Variants in EIF4G3 observed in about 807,000 individuals in gnomAD.
EIF4G3 encodes eIF-4-gamma 3.
Under a neutral mutation model 186.4 loss-of-function variants are expected in EIF4G3, and 34 were observed. That is an observed-to-expected ratio of 0.18 (90% CI 0.14 to 0.24). The LOEUF (loss-of-function observed/expected upper bound fraction) is 0.24, where lower values mean the gene tolerates loss of function less well. Among genes scored for constraint, EIF4G3 ranks in the 10% least tolerant of loss-of-function variants. EIF4G3 has a pLI of 1.00. For synonymous variants in EIF4G3, 673 were observed against 679.5 expected (o/e 0.99, Z 0.15); for missense variants, 1,536 against 1,948.5 (o/e 0.79, Z 3.99).
intron 2 of EIF4G3, among the ~76,000 whole-genome samples, chr1:21,164,609 C>T (rs2097824718): frequency 6.6e-6 from 1 of 152,046 alleles, no homozygotes. Context: ...ACCTATAATC[C>T]CGCATTTTGG....
At chr1:21,086,822 C>G (rs2095996792) in intron 3 of EIF4G3, among the ~76,000 whole-genome samples, 1 of 151,826 alleles carries the variant, frequency 6.6e-6, no homozygotes, top group Non-Finnish European at 1.5e-5. Context: ...CACCTGTAAT[C>G]CCAGCTACTC....
chr1:21,096,732 T>C (rs1295742163), intron 2 of EIF4G3, among the ~76,000 whole-genome samples: 1 of 152,208 alleles, frequency 6.6e-6, no homozygotes, highest in Non-Finnish European at 1.5e-5. Flanking sequence ...AAAGACTAAC[T>C]GAATGCTACT....
At chr1:21,139,701 AT>A (rs564977425) in intron 2 of EIF4G3, among the ~76,000 whole-genome samples, 1 of 151,998 alleles carries the variant, frequency 6.6e-6, no homozygotes, top group Non-Finnish European at 1.5e-5. Context: ...GATCTATTTA[AT>A]TTTTTTTAAG....
chr1:20,854,074 G>T (rs1384869775), intron 26 of EIF4G3, among the ~76,000 whole-genome samples: 1 of 152,178 alleles, frequency 6.6e-6, no homozygotes, highest in African/African-American at 2.4e-5. Flanking sequence ...AAGAAAAAAA[G>T]GTTGAAATTA....
At chr1:20,880,372 T>C (rs1454388752) in intron 19 of EIF4G3, among the ~76,000 whole-genome samples, 2 of 152,220 alleles carry the variant, frequency 1.3e-5, no homozygotes, top group Admixed American at 6.5e-5. Flanking sequence ...TCAACTGCTT[T>C]TCTATGTATT....
rs550003784 is a variant in EIF4G3, at chr1:20,915,657, AT to A, written c.1664-10687del. Among the ~76,000 whole-genome samples, 380 of 152,362 alleles carry A rather than the reference AT, an allele frequency of 2.5e-3. 4 individuals are homozygous for A. Among genetic ancestry groups the A allele is most frequent in the Non-Finnish European group, 3.4e-3 (233 of 68,036 alleles). Reference sequence around the variant, plus strand: ...CTAACAAATGTAGGAAAAGCAATTGATAAAATCCAATTTATATTCTTGACTA... The same window carrying A: ...CTAACAAATGTAGGAAAAGCAATTGAAAAATCCAATTTATATTCTTGACTA... On this transcript the variant is annotated intron_variant, in intron 14 of 36. Transcript: ENST00000602326.
At chr1:21,055,651 T>C (rs925675010) in intron 3 of EIF4G3, among the ~76,000 whole-genome samples, 2 of 152,012 alleles carry the variant, frequency 1.3e-5, no homozygotes, top group African/African-American at 4.8e-5. Context: ...TTAGAGTACA[T>C]ACCCTAAAGA....
intron 2 of EIF4G3, among the ~76,000 whole-genome samples, chr1:21,128,924 CTT>C (rs1250910633): frequency 6.6e-6 from 1 of 152,152 alleles, no homozygotes; most frequent in East Asian, 1.9e-4. Context: ...TAAAACGTAA[CTT>C]TTCTTTAGCC....
chr1:21,031,311 A>T (rs1288183984), intron 4 of EIF4G3, among the ~76,000 whole-genome samples: 3 of 152,024 alleles, frequency 2.0e-5, no homozygotes, highest in Admixed American at 6.6e-5. Context: ...CAAAACAGAA[A>T]AGTAAATTAT....
intron 4 of EIF4G3, among the ~76,000 whole-genome samples, chr1:21,015,554 T>C (rs2088700753): frequency 6.6e-6 from 1 of 150,456 alleles, no homozygotes; most frequent in African/African-American, 2.4e-5. Context: ...AAGACAGGAG[T>C]TCAAGAACAG....
At chr1:21,175,263 G>C (rs919741193) in intron 2 of EIF4G3, 2 of 152,148 alleles carry the variant, frequency 1.3e-5, no homozygotes, top group African/African-American at 4.8e-5. Context: ...TCACCGGCTA[G>C]TTTTTGACTA....
At chr1:20,897,737 T>A (rs948371917) in intron 16 of EIF4G3, among the ~76,000 whole-genome samples, 3 of 152,072 alleles carry the variant, frequency 2.0e-5, no homozygotes, top group Non-Finnish European at 4.4e-5. Flanking sequence ...CTTATTGGGA[T>A]CTAAATTTCA....
intron 30 of EIF4G3, 148 bp from the exon 31 acceptor site, chr1:20,829,420 T>C: frequency 2.3e-6 from 2 of 865,930 alleles, no homozygotes; most frequent in Non-Finnish European, 3.6e-6. Context: ...GTAAATACAT[T>C]ACCATTCTCA....
At chr1:21,159,960 G>A (rs1049086310) in intron 2 of EIF4G3, among the ~76,000 whole-genome samples, 1 of 152,100 alleles carries the variant, frequency 6.6e-6, no homozygotes, top group Non-Finnish European at 1.5e-5. Flanking sequence ...CAAAAAGTTA[G>A]CCAGGCATGA....
intron 2 of EIF4G3, among the ~76,000 whole-genome samples, chr1:21,133,517 G>A (rs1368833130): frequency 2.0e-5 from 3 of 152,074 alleles, no homozygotes; most frequent in Non-Finnish European, 4.4e-5. Flanking sequence ...GAGCCACCGC[G>A]CCCAGCCTAA....
At chr1:20,861,252 C>T (rs1209959112) in intron 23 of EIF4G3, among the ~76,000 whole-genome samples, 1 of 152,158 alleles carries the variant, frequency 6.6e-6, no homozygotes, top group African/African-American at 2.4e-5. Context: ...TTCACTTTCT[C>T]TAGTGTAGGG....
At chr1:20,989,830 C>T (rs1442486202) in intron 7 of EIF4G3, among the ~76,000 whole-genome samples, 1 of 152,140 alleles carries the variant, frequency 6.6e-6, no homozygotes, top group East Asian at 1.9e-4. Context: ...TTCTACTTTG[C>T]GTAAAATGCT....
chr1:20,898,131 T>TA (rs1306860986), intron 16 of EIF4G3, among the ~76,000 whole-genome samples: 1 of 151,894 alleles, frequency 6.6e-6, no homozygotes, highest in Non-Finnish European at 1.5e-5. Context: ...AGGGTTTTTT[T>TA]AAAAAAAGTT....
intron 2 of EIF4G3, among the ~76,000 whole-genome samples, chr1:21,165,146 T>A (rs764824140): frequency 3.9e-5 from 6 of 152,090 alleles, no homozygotes; most frequent in Admixed American, 3.9e-4. Context: ...TTACACCCAA[T>A]AGGATGGCCT....
Sources: allele counts gnomAD v4.1 joint callset (sites outside exome capture counted in the v4.1 genomes callset), GRCh38; gene constraint gnomAD v4.1.1; transcripts MANE v1.5; gene names NCBI Gene and HGNC (gene_info 2026-07-23, HGNC 2026-07-21).